STAB2: variants seen among roughly 807,000 people sequenced by gnomAD.
STAB2 encodes stabilin-2.
Under a neutral mutation model 338.1 loss-of-function variants are expected in STAB2, and 288 were observed. That is an observed-to-expected ratio of 0.85 (90% confidence interval 0.77 to 0.94). The LOEUF is 0.94. Ranked by LOEUF, STAB2 falls within the 40% of genes least tolerant of loss-of-function variation. The probability of loss-of-function intolerance (pLI) is 0.00; values close to 1 mark genes in which losing one functional copy is unlikely to be tolerated. For synonymous variants in STAB2, 1,202 were observed against 1,193.3 expected (o/e 1.01, Z -0.15); for missense variants, 3,141 against 3,210.1 (o/e 0.98, Z 0.52).
intron 22 of STAB2, 129 bp downstream of exon 22, chr12:103,670,936 T>A: frequency 1.4e-6 from 1 of 712,964 alleles, no homozygotes; most frequent in Non-Finnish European, 2.4e-6. Flanking sequence ...CACAGAGCAT[T>A]CATTAAGCTT....
chr12:103,708,633 C>A, intron 39 of STAB2, 97 bp downstream of exon 39: 1 of 1,089,436 alleles, frequency 9.2e-7, no homozygotes, highest in Non-Finnish European at 1.3e-6. Context: ...CCTTTTTTTA[C>A]TTCTTCTGGC....
Position 103,695,633 on chromosome 12 carries a change from C to G in STAB2, c.3459C>G (p.Phe1153Leu). Residue 1153 changes from phenylalanine to leucine, a missense_variant, in exon 32 of 69, where the codon TTC (phenylalanine) becomes TTG (leucine). Transcript: ENST00000388887. Reference sequence around the variant, plus strand: ...AACAGATGCCTGACTATTCCATCTTCCGGGGCTACATCATTGCAAGTACCA... The same window carrying G: ...AACAGATGCCTGACTATTCCATCTTGCGGGGCTACATCATTGCAAGTACCA... ...RLEQMPDYSI[F>L]RGYIIQYNLA... 2 of 1,614,204 alleles carry G rather than the reference C, an allele frequency of 1.2e-6. No individual in the cohort carries two copies. Among genetic ancestry groups the G allele is most frequent in the Non-Finnish European group, 1.7e-6 (2 of 1,180,026 alleles).
chr12:103,664,334 C>CG (rs1214253748), intron 18 of STAB2, among the ~76,000 whole-genome samples: 9 of 152,088 alleles, frequency 5.9e-5, no homozygotes, highest in Non-Finnish European at 7.4e-5. Flanking sequence ...TTAGTAGAGA[C>CG]GGGGTTTCAC....
Position 103,675,953 on chromosome 12 carries a change from G to A in STAB2, c.2578G>A (p.Gly860Arg). Reference sequence around the variant, plus strand: ...TTGTATTTGCAAAGCAGGATATGAAGGAGATGGAACTCTGTGTTCTGAGAT... The same window carrying A: ...TTGTATTTGCAAAGCAGGATATGAAAGAGATGGAACTCTGTGTTCTGAGAT... ...ASCICKAGYE[G>R]DGTLCSEMDP... Residue 860 changes from glycine (G) to arginine (R), a missense_variant, in exon 24 of 69, where the codon GGA becomes AGA. Gly to Arg is a moderately radical substitution (Grantham distance 125). Coordinates refer to ENST00000388887, the MANE Select transcript of STAB2 (RefSeq NM_017564.10). 5.0e-6 allele frequency: 8 copies of A among 1,613,160 alleles called. No homozygotes were observed. Among genetic ancestry groups the A allele is most frequent in the Non-Finnish European group, 6.8e-6 (8 of 1,179,642 alleles).
chr12:103,695,965 ACG>A, intron 33 of STAB2, 121 bp downstream of exon 33: 2 of 924,580 alleles, frequency 2.2e-6, no homozygotes, highest in Non-Finnish European at 3.4e-6. Flanking sequence ...CACATACTTG[ACG>A]TAGACTGGTG....
At position 103,662,743 on chromosome 12, in the gene STAB2, G is replaced by A. The variant is rs997176411; in HGVS notation, c.1870-103G>A. On this transcript the variant is annotated intron_variant, in intron 17 of 68. Coordinates refer to ENST00000388887, the MANE Select transcript of STAB2 (RefSeq NM_017564.10). Reference sequence around the variant, plus strand: ...CCAATGAAAAGTTAAGTGATGTTGAGGACTTTTTAGCAAAGTTGCCACCAT... The same window carrying A: ...CCAATGAAAAGTTAAGTGATGTTGAAGACTTTTTAGCAAAGTTGCCACCAT... The A allele has an allele frequency of 4.3e-6, 6 of 1,388,564 alleles. No homozygotes were observed. The African/African-American group carries it at 7.2e-5, about 17-fold the overall frequency. 86.0% of individuals were successfully genotyped at this position (1,388,564 alleles called of 1,614,324 possible).
At chr12:103,724,862 AAG>A in intron 44 of STAB2, 111 bp from the exon 45 acceptor site, 1 of 1,541,296 alleles carries the variant, frequency 6.5e-7, no homozygotes, top group South Asian at 1.2e-5. Context: ...AAATGAATCA[AAG>A]AGAGTGAGAC....
Position 103,620,538 on chromosome 12 carries a change from A to T in STAB2, c.402A>T (p.Gly134=). The T allele has an allele frequency of 6.4e-7, 1 of 1,570,054 alleles. No homozygotes were observed. Among genetic ancestry groups the T allele is most frequent in the Non-Finnish European group, 8.7e-7 (1 of 1,156,066 alleles). ...GTGCTGAAGGCATGGAAGGAAATGG[A>T]ACCTGCTCCTGCCAAGTAAGTTCAA... is the stretch of plus-strand genomic sequence containing the variant. ...GSCAEGMEGN[G]TCSCQEGFGG... is the part of the protein sequence containing the mutation. The change falls in exon 4 of 69, where the codon GGA becomes GGT. Residue 134 remains glycine, a synonymous_variant. Transcript: ENST00000388887.
Position 103,712,414 on chromosome 12 carries a change from G to A in STAB2, c.4382G>A (p.Gly1461Glu). ...ACAGCTTCATGCAAGTGTGCAGCAG[G>A]ATTCCAAGGAAACGGGACCATCTGC... ...DGTASCKCAA[G>E]FQGNGTICTA... Residue 1461 changes from glycine to glutamate, a missense_variant, in exon 41 of 69, where the codon GGA (glycine) becomes GAA (glutamate). By Grantham distance (98) the Gly-to-Glu change is moderately conservative. Transcript: ENST00000388887. The A allele has an allele frequency of 6.2e-7, 1 of 1,614,096 alleles. No individual in the cohort carries two copies. The highest frequency in any genetic ancestry group is 8.5e-7 in the Non-Finnish European group (1 of 1,179,988).
rs1386132775 is a variant in STAB2, at chr12:103,733,045, AC to A, written c.5327del (p.Pro1776GlnfsTer32). On this transcript the variant is annotated frameshift_variant, in exon 51 of 69. Coordinates refer to ENST00000388887, the MANE Select transcript of STAB2 (RefSeq NM_017564.10). LOFTEE classifies it high-confidence loss of function. ...GAGTGTCATCACCGATCCCATCCAC[AC>A]CCCAGTCACTCTCTTCTGGCCCACC... is the stretch of plus-strand genomic sequence containing the variant. The part of the protein sequence containing the change: ...LLSVITDPIH[T>X]PVTLFWPTDQ... 1 of 1,613,610 alleles carries A rather than the reference AC, an allele frequency of 6.2e-7. No homozygotes were observed. Among genetic ancestry groups the A allele is most frequent in the East Asian group, 2.2e-5 (1 of 44,876 alleles).
At chr12:103,700,537 A>G (rs1182860474) in intron 34 of STAB2, among the ~76,000 whole-genome samples, 1 of 152,228 alleles carries the variant, frequency 6.6e-6, no homozygotes. Flanking sequence ...AGACTCCTAC[A>G]GATAAGTCTA....
chr12:103,677,336 C>T, intron 24 of STAB2, 117 bp from the exon 25 acceptor site: 4 of 1,345,830 alleles, frequency 3.0e-6, no homozygotes, highest in South Asian at 1.5e-5. Flanking sequence ...GCATTTCCAC[C>T]TCACTCAATG....
chr12:103,737,612 T>TC (rs1882251412), intron 52 of STAB2, 22 bp from the exon 53 acceptor site: 1 of 1,468,980 alleles, frequency 6.8e-7, no homozygotes, highest in African/African-American at 1.5e-5. Context: ...TTCTCTTTTT[T>TC]TTTTTTTTTT....
intron 5 of STAB2, among the ~76,000 whole-genome samples, chr12:103,624,996 C>T (rs1032781362): frequency 2.0e-5 from 3 of 146,564 alleles, no homozygotes; most frequent in South Asian, 2.2e-4. Flanking sequence ...TAAAGTTAAA[C>T]ATTACATTAA....
chr12:103,672,439 G>A (rs1875896116), intron 22 of STAB2, among the ~76,000 whole-genome samples: 1 of 152,214 alleles, frequency 6.6e-6, no homozygotes, highest in Non-Finnish European at 1.5e-5. Flanking sequence ...CTACGGCTGT[G>A]CACAGTCTCA....
chr12:103,730,973 C>T (rs889479233), intron 49 of STAB2, among the ~76,000 whole-genome samples: 1 of 152,130 alleles, frequency 6.6e-6, no homozygotes, highest in African/African-American at 2.4e-5. Flanking sequence ...TCACCTCATC[C>T]CAGGATCAGA....
At chr12:103,734,179 CATAT>C (rs1455373093) in intron 51 of STAB2, among the ~76,000 whole-genome samples, 1 of 134,766 alleles carries the variant, frequency 7.4e-6, no homozygotes, top group Admixed American at 8.1e-5. Context: ...CAAGCACGAT[CATAT>C]AGGAGCAAGC....
At chr12:103,735,402 C>T in intron 51 of STAB2, 89 bp from the exon 52 acceptor site, 1 of 798,612 alleles carries the variant, frequency 1.3e-6, no homozygotes, top group Non-Finnish European at 1.9e-6. Flanking sequence ...AAATTTGCAT[C>T]TGAATTTGGT....
chr12:103,680,073 T>C (rs75517938), intron 25 of STAB2, among the ~76,000 whole-genome samples: 7 of 152,122 alleles, frequency 4.6e-5, no homozygotes, highest in African/African-American at 1.4e-4. Flanking sequence ...GTTCCTAGAA[T>C]AGTCAGGTTC....
Sources: gnomAD v4.1 joint callset for allele counts (sites outside exome capture counted in the v4.1 genomes callset) on GRCh38, gnomAD v4.1.1 for gene constraint, MANE v1.5 for transcripts, NCBI Gene and HGNC (gene_info 2026-07-23, HGNC 2026-07-21) for gene names.